APBB2: variants seen among roughly 807,000 people sequenced by gnomAD.
The protein encoded by APBB2 is Fe65-like 1.
A neutral mutation model predicts 82.5 loss-of-function variants in APBB2; 38 were observed. The observed-to-expected ratio is 0.46, with a 90% CI of 0.36 to 0.60. The LOEUF (loss-of-function observed/expected upper bound fraction) is 0.60. APBB2 is among the 20% of genes least tolerant of loss of function. The pLI, the probability that APBB2 is intolerant of heterozygous loss-of-function variation, is 0.00. For missense variants in APBB2, 772 were observed against 972.3 expected (o/e 0.79, Z 2.74); for synonymous variants, 341 against 368.2 (o/e 0.93, Z 0.85).
chr4:40,881,101 A>G (rs1768349796), intron 12 of APBB2: 4 of 985,334 alleles, frequency 4.1e-6, no homozygotes, highest in South Asian at 9.4e-5. Context: ...CCACTTTTAA[A>G]GAGATAAAAT....
intron 12 of APBB2, among the ~76,000 whole-genome samples, chr4:40,871,962 T>C (rs921750382): frequency 9.2e-5 from 14 of 152,324 alleles, no homozygotes; most frequent in African/African-American, 3.4e-4. Context: ...TATGCATGAC[T>C]ACAGAGCTGA....
At position 40,810,750 on chromosome 4, in the gene APBB2, A is replaced by C. The variant is rs1268123756; in HGVS notation, c.*5342T>G. 1 of 152,198 alleles carries C rather than the reference A, an allele frequency of 6.6e-6. No individual in the cohort carries two copies. The highest frequency in any genetic ancestry group is 1.5e-5 in the Non-Finnish European group (1 of 68,038). 9.4% of individuals were successfully genotyped at this position (152,198 alleles called of 1,614,324 possible). The stretch of plus-strand genomic sequence containing the variant: ...ATTTTGCTGATTTTGAAAATCAAAC[A>C]CTATCTCCTTGCCCTAAAATTATAG... On this transcript the variant is annotated 3_prime_UTR_variant, in exon 18 of 18. Coordinates refer to ENST00000508593, the MANE Select transcript of APBB2 (RefSeq NM_004307.2).
At chr4:40,845,991 G>T (rs536667841) in intron 12 of APBB2, among the ~76,000 whole-genome samples, 1 of 127,430 alleles carries the variant, frequency 7.8e-6, no homozygotes, top group Non-Finnish European at 1.7e-5. Flanking sequence ...GGGTGTGGGT[G>T]GGTGGGTGGG....
intron 12 of APBB2, among the ~76,000 whole-genome samples, chr4:40,850,861 C>T (rs1759106860): frequency 6.6e-6 from 1 of 152,130 alleles, no homozygotes. Flanking sequence ...AGGAGAACTG[C>T]TTGAGCCCAG....
Position 40,960,446 on chromosome 4 carries a change from G to GTTTT in APBB2, c.836-15374_836-15373insAAAA, listed in dbSNP as rs371607683. Among the ~76,000 whole-genome samples the GTTTT allele has an allele frequency of 1.0e-3, 124 of 120,534 alleles. 53 individuals carry two copies. The highest frequency in any genetic ancestry group is 8.7e-4 in the Admixed American group (9 of 10,290). The allele number at this position is 120,534 out of a possible 152,430, so 79.1% of individuals were successfully genotyped here. A position where few individuals can be genotyped will look rare whatever the true frequency, so the allele number is the denominator to read the frequency against. ...CATCAAAAACAGAAATTTTTTTTCG[G>GTTTT]GTTTTTTTTTTTTTTTTTTGAGACG... On this transcript the variant is annotated intron_variant, in intron 6 of 17. Coordinates refer to ENST00000508593, the MANE Select transcript of APBB2 (RefSeq NM_004307.2).
At chr4:41,104,175 T>G (rs562375907) in intron 2 of APBB2, among the ~76,000 whole-genome samples, 1 of 152,224 alleles carries the variant, frequency 6.6e-6, no homozygotes, top group Non-Finnish European at 1.5e-5. Context: ...AACTTCCAGT[T>G]TGAGGAGTTT....
At chr4:41,184,846 C>A (rs1167863251) in intron 1 of APBB2, among the ~76,000 whole-genome samples, 2 of 152,216 alleles carry the variant, frequency 1.3e-5, no homozygotes, top group African/African-American at 4.8e-5. Context: ...GCAGAGCTCT[C>A]TGGAAGGTTG....
chr4:40,826,233 CTT>C lies in APBB2; in HGVS notation c.1733-265_1733-264del, dbSNP rs1207054222. On this transcript the variant is annotated intron_variant, in intron 14 of 17. Transcript: ENST00000508593. This position sits in a 1 kb window ranked among gnomAD's most constrained non-coding sequence, Gnocchi z 4.5. ...CTATGTGTTAAAGCTGCTACTGTCTCTTTGATGTATATTAAGTAAAGTAGCAG... is the reference window on the plus strand; with the variant it reads ...CTATGTGTTAAAGCTGCTACTGTCTCTGATGTATATTAAGTAAAGTAGCAG... The C allele has an allele frequency of 4.4e-6, 2 of 453,004 alleles. No individual in the cohort carries two copies. Among genetic ancestry groups the C allele is most frequent in the African/African-American group, 4.0e-5 (2 of 50,120 alleles). The allele number at this position is 453,004 out of a possible 1,614,324, so 28.1% of individuals were successfully genotyped here. A position where few individuals can be genotyped will look rare whatever the true frequency, so the allele number is the denominator to read the frequency against.
At chr4:41,096,929 C>T (rs116340359) in intron 3 of APBB2, among the ~76,000 whole-genome samples, 19 of 152,264 alleles carry the variant, frequency 1.2e-4, no homozygotes, top group Middle Eastern at 3.4e-3. Context: ...TCCTGGCACA[C>T]AATAGTTGCT....
intron 4 of APBB2, among the ~76,000 whole-genome samples, chr4:41,045,388 T>C (rs1200569347): frequency 6.6e-6 from 1 of 151,904 alleles, no homozygotes; most frequent in Non-Finnish European, 1.5e-5. Flanking sequence ...CCGCCTCCCA[T>C]GTTCACGCCA....
At chr4:40,864,256 A>AAAAAC (rs367804062) in intron 12 of APBB2, among the ~76,000 whole-genome samples, 3,274 of 149,996 alleles carry the variant, frequency 0.022, 70 homozygotes, top group African/African-American at 0.05. Context: ...CCGTCTCAAT[A>AAAAAC]AAAACAAAAC....
At position 41,119,954 on chromosome 4, in the gene APBB2, G is replaced by A. The variant is rs774600213; in HGVS notation, c.-260-19204C>T. ...ATGACAATAATAAGTAACAGCATTC[G>A]GGTATTTTATGGTTTGTGTTCCATG... On this transcript the variant is annotated intron_variant, in intron 2 of 17. Transcript: ENST00000508593. 3.9e-5 allele frequency among the ~76,000 whole-genome samples: 6 copies of A among 152,192 alleles called. No homozygotes were observed. In the South Asian group the frequency reaches 1.0e-3, roughly 26 times the overall value.
intron 1 of APBB2, among the ~76,000 whole-genome samples, chr4:41,144,771 A>G (rs1295341589): frequency 1.3e-5 from 2 of 152,142 alleles, no homozygotes; most frequent in African/African-American, 4.8e-5. Context: ...TCCCTCCCTC[A>G]CCTATCGCAT....
At position 40,881,528 on chromosome 4, in the gene APBB2, C is replaced by CTTTTTTTTTTTTTTTTTTTTTTTT. The variant is rs148967363; in HGVS notation, c.1529+8835_1529+8836insAAAAAAAAAAAAAAAAAAAAAAAA. On this transcript the variant is annotated intron_variant, in intron 12 of 17. Coordinates refer to ENST00000508593, the MANE Select transcript of APBB2 (RefSeq NM_004307.2). ...TTTCTTTCCTTTTATCTTTTCTTTT[C>CTTTTTTTTTTTTTTTTTTTTTTTT]TTTTTCTTTTTTTTTTTTTTTTTGA... The CTTTTTTTTTTTTTTTTTTTTTTTT allele has an allele frequency of 7.1e-4, 110 of 154,402 alleles. 12 individuals are homozygous for CTTTTTTTTTTTTTTTTTTTTTTTT. The highest frequency in any genetic ancestry group is 2.6e-3 in the East Asian group (8 of 3,058). The allele number at this position is 154,402 out of a possible 1,614,324, so 9.6% of individuals were successfully genotyped here.
chr4:40,865,560 A>G (rs1171966959), intron 12 of APBB2, among the ~76,000 whole-genome samples: 15 of 152,196 alleles, frequency 9.9e-5, no homozygotes, highest in Admixed American at 9.8e-4. Context: ...TGTAATACCT[A>G]GCTTTCTGAA....
intron 12 of APBB2, among the ~76,000 whole-genome samples, chr4:40,840,657 T>C (rs1755494252): frequency 6.6e-6 from 1 of 152,152 alleles, no homozygotes; most frequent in African/African-American, 2.4e-5. Flanking sequence ...TCCCAGGTAC[T>C]CGTCACCTGG....
intron 12 of APBB2, among the ~76,000 whole-genome samples, chr4:40,831,558 T>A (rs549219910): frequency 5.5e-4 from 84 of 152,244 alleles, no homozygotes; most frequent in African/African-American, 1.9e-3. Context: ...GAGGAGCGCA[T>A]GAATCGCAAG....
intron 1 of APBB2, among the ~76,000 whole-genome samples, chr4:41,168,854 G>A (rs1767449576): frequency 6.6e-6 from 1 of 152,122 alleles, no homozygotes; most frequent in African/African-American, 2.4e-5. Context: ...CCACACAAAG[G>A]TAAGGAAGAG....
chr4:41,075,431 A>C (rs893007851), intron 3 of APBB2, among the ~76,000 whole-genome samples: 1 of 152,226 alleles, frequency 6.6e-6, no homozygotes, highest in Non-Finnish European at 1.5e-5. Flanking sequence ...AGCTTCTGGC[A>C]CATAAAACTT....
Sources: allele counts gnomAD v4.1 joint callset (sites outside exome capture counted in the v4.1 genomes callset), GRCh38; gene constraint gnomAD v4.1.1; non-coding constraint Gnocchi (gnomAD v3.1); transcripts MANE v1.5; gene names NCBI Gene and HGNC (gene_info 2026-07-23, HGNC 2026-07-21).